Variants in FIP1L1 observed in about 807,000 individuals in gnomAD.
FIP1L1 encodes the protein pre-mRNA 3'-end-processing factor FIP1.
A neutral mutation model predicts 84.6 loss-of-function variants in FIP1L1; 21 were observed. That is an observed-to-expected ratio of 0.25 (90% CI 0.18 to 0.36). The LOEUF (loss-of-function observed/expected upper bound fraction) is 0.36. Among genes scored for constraint, FIP1L1 ranks in the 10% least tolerant of loss-of-function variants. FIP1L1 has a pLI of 1.00. For missense variants in FIP1L1, 526 were observed against 751.1 expected, an observed-to-expected ratio of 0.70 and a Z score of 3.50; for synonymous variants, 263 against 242.3, an observed-to-expected ratio of 1.09 and a Z score of -0.80.
chr4:53,424,017 T>A (rs1316637368), intron 11 of FIP1L1, among the ~76,000 whole-genome samples: 3 of 152,276 alleles, frequency 2.0e-5, no homozygotes, highest in Admixed American at 6.5e-5. Context: ...TTTACCACTT[T>A]TAACAATTTG....
chr4:53,414,582 G>T, intron 10 of FIP1L1, 33 bp from the exon 11 acceptor site: 1 of 1,461,598 alleles, frequency 6.8e-7, no homozygotes, highest in Non-Finnish European at 9.5e-7. Flanking sequence ...ACAACAATAT[G>T]TAAGAAAAAA....
chr4:53,437,348 A>AAG (rs1361484279), intron 13 of FIP1L1, among the ~76,000 whole-genome samples: 1 of 150,278 alleles, frequency 6.7e-6, no homozygotes, highest in Admixed American at 6.6e-5. Context: ...AAAAAAAAAA[A>AAG]AAAAAGAGAG....
intron 13 of FIP1L1, among the ~76,000 whole-genome samples, chr4:53,434,851 C>T (rs999726111): frequency 3.9e-5 from 6 of 152,142 alleles, no homozygotes; most frequent in African/African-American, 1.2e-4. Flanking sequence ...CTGGACAGAA[C>T]GTTGAGAACA....
At chr4:53,387,276 A>G (rs1741601116) in intron 5 of FIP1L1, among the ~76,000 whole-genome samples, 1 of 152,240 alleles carries the variant, frequency 6.6e-6, no homozygotes, top group African/African-American at 2.4e-5. Flanking sequence ...CAGCCTGGGC[A>G]ATATAGTAAG....
chr4:53,427,052 T>G (rs945546761), intron 12 of FIP1L1, among the ~76,000 whole-genome samples: 3 of 152,192 alleles, frequency 2.0e-5, no homozygotes, highest in African/African-American at 7.2e-5. Context: ...GGCAAATCAT[T>G]TCTATAGTGG....
At chr4:53,415,764 A>C (rs1759226020) in intron 11 of FIP1L1, among the ~76,000 whole-genome samples, 1 of 152,166 alleles carries the variant, frequency 6.6e-6, no homozygotes, top group Non-Finnish European at 1.5e-5. Flanking sequence ...CATGAGTTGT[A>C]AGTATTTCCT....
intron 10 of FIP1L1, among the ~76,000 whole-genome samples, chr4:53,404,091 T>TGCTG (rs1308196355): frequency 1.3e-5 from 2 of 151,576 alleles, no homozygotes; most frequent in Non-Finnish European, 2.9e-5. Flanking sequence ...ACATGTGCCA[T>TGCTG]GCTGGTGTGC....
In FIP1L1 at chr4:53,391,147, A is replaced by G. The variant is rs1487604957; in HGVS notation, c.636+8A>G. 6.3e-7 allele frequency: 1 copy of G among 1,596,794 alleles called. No homozygotes were observed. Among genetic ancestry groups the G allele is most frequent in the East Asian group, 2.2e-5 (1 of 44,666 alleles). ...ACTACAAATAAAATTACGGTAATTA[A>G]TAAATACTCCGGAATACCCTTGGCT... On this transcript the variant is annotated splice_region_variant and intron_variant, in intron 8 of 17. Coordinates refer to ENST00000337488, the MANE Select transcript of FIP1L1 (RefSeq NM_030917.4).
intron 15 of FIP1L1, among the ~76,000 whole-genome samples, chr4:53,445,962 T>C (rs544376907): frequency 2.6e-5 from 4 of 152,252 alleles, no homozygotes; most frequent in African/African-American, 7.2e-5. Context: ...CTCAATACCA[T>C]TGAAGATGGA....
intron 10 of FIP1L1, among the ~76,000 whole-genome samples, chr4:53,406,039 C>T (rs1753221543): frequency 6.6e-6 from 1 of 151,554 alleles, no homozygotes; most frequent in African/African-American, 2.4e-5. Context: ...GAACTTCCAA[C>T]ACTATGTTGA....
At chr4:53,399,662 A>T in intron 9 of FIP1L1, 68 bp from the exon 10 acceptor site, 1 of 947,156 alleles carries the variant, frequency 1.1e-6, no homozygotes, top group Non-Finnish European at 1.7e-6. Context: ...ACTTATTTTA[A>T]CATCTAAAGT....
chr4:53,390,741 T>A, intron 7 of FIP1L1, 113 bp downstream of exon 7: 1 of 703,652 alleles, frequency 1.4e-6, no homozygotes, highest in Non-Finnish European at 2.3e-6. Context: ...TTAATTGTCT[T>A]AAGCAAATGA....
chr4:53,402,052 T>C (rs548375844), intron 10 of FIP1L1, among the ~76,000 whole-genome samples: 131 of 152,176 alleles, frequency 8.6e-4, no homozygotes, highest in African/African-American at 3.0e-3. Flanking sequence ...GGAGGAATGA[T>C]GAATGAAGTA....
intron 3 of FIP1L1, among the ~76,000 whole-genome samples, chr4:53,381,929 ATT>A (rs71638926): frequency 7.0e-6 from 1 of 143,220 alleles, no homozygotes; most frequent in African/African-American, 2.5e-5. Flanking sequence ...TGCCTGGCTA[ATT>A]TTTTTTTTTT....
intron 10 of FIP1L1, among the ~76,000 whole-genome samples, chr4:53,408,776 G>GATACCC (rs1196717431): frequency 1.3e-5 from 2 of 152,058 alleles, no homozygotes; most frequent in Non-Finnish European, 2.9e-5. Flanking sequence ...CTTTCTTTCA[G>GATACCC]TTGATCACCT....
At chr4:53,418,543 G>A (rs757775387) in intron 11 of FIP1L1, among the ~76,000 whole-genome samples, 16 of 152,126 alleles carry the variant, frequency 1.1e-4, no homozygotes, top group Non-Finnish European at 1.9e-4. Flanking sequence ...GAAGAGTGAA[G>A]CAGTTTCAGT....
chr4:53,390,747 A>G, intron 7 of FIP1L1, 119 bp downstream of exon 7: 1 of 664,476 alleles, frequency 1.5e-6, no homozygotes, highest in East Asian at 2.9e-5. Flanking sequence ...GTCTTAAGCA[A>G]ATGATGAGTA....
Position 53,454,707 on chromosome 4 carries a change from G to A in FIP1L1, c.1499+1574G>A, listed in dbSNP as rs554162400. Among the ~76,000 whole-genome samples the A allele has an allele frequency of 2.0e-5, 3 of 152,244 alleles. No homozygotes were observed. The South Asian group carries it at 6.2e-4, about 32-fold the overall frequency. ...ATTCTAAGGACTCCAGGATTTTCAGGGTGGTAAATGGGCACCAACTTCAAC... is the reference window on the plus strand; with the variant it reads ...ATTCTAAGGACTCCAGGATTTTCAGAGTGGTAAATGGGCACCAACTTCAAC... On this transcript the variant is annotated intron_variant, in intron 16 of 17. Coordinates refer to ENST00000337488, the MANE Select transcript of FIP1L1 (RefSeq NM_030917.4).
intron 10 of FIP1L1, among the ~76,000 whole-genome samples, chr4:53,400,129 G>A (rs561615136): frequency 6.6e-6 from 1 of 152,176 alleles, no homozygotes; most frequent in African/African-American, 2.4e-5. Context: ...CAAGAGAGGT[G>A]GTAACAGTAG....
Sources: gnomAD v4.1 joint callset for allele counts (sites outside exome capture counted in the v4.1 genomes callset) on GRCh38, gnomAD v4.1.1 for gene constraint, MANE v1.5 for transcripts, NCBI Gene and HGNC (gene_info 2026-07-23, HGNC 2026-07-21) for gene names.